The following CDC42BPG variants were observed in gnomAD, a reference collection of about 807,000 sequenced individuals.
CDC42BPG encodes serine/threonine-protein kinase MRCK gamma.
Under a neutral mutation model 192.2 loss-of-function variants are expected in CDC42BPG, and 157 were observed. That is an observed-to-expected ratio of 0.82 (90% CI 0.72 to 0.93). The LOEUF (loss-of-function observed/expected upper bound fraction) is 0.93. CDC42BPG is among the 40% of genes least tolerant of loss of function. CDC42BPG has a pLI of 0.00. For synonymous variants in CDC42BPG, 981 were observed against 918.5 expected (o/e 1.07, Z -1.23); for missense variants, 1,992 against 2,122.1 (o/e 0.94, Z 1.20).
In CDC42BPG at chr11:64,836,721, G is replaced by GGGGGGGGGGA; in HGVS notation, c.1384+17_1384+18insTCCCCCCCCC. The GGGGGGGGGGA allele has an allele frequency of 2.3e-6, 2 of 857,204 alleles. No homozygotes were observed. Among genetic ancestry groups the GGGGGGGGGGA allele is most frequent in the Non-Finnish European group, 3.4e-6 (2 of 595,166 alleles). 53.1% of individuals were successfully genotyped at this position (857,204 alleles called of 1,614,324 possible). On this transcript the variant is annotated intron_variant, in intron 11 of 36. Transcript: ENST00000342711. ...GACTCAGCCCTGGGGGGGGGGGGGG[G>GGGGGGGGGGA]GTGGGCGGAAGGGATACCTGGCAGC...
chr11:64,833,096 G>A (rs1942781708), intron 24 of CDC42BPG, 135 bp downstream of exon 24: 17 of 1,302,408 alleles, frequency 1.3e-5, no homozygotes, highest in South Asian at 2.8e-5. Flanking sequence ...CATCAAGTGA[G>A]AAAAGGAACA....
In CDC42BPG at chr11:64,839,248, G is replaced by A. The variant is rs748781755; in HGVS notation, c.676-15C>T. The A allele has an allele frequency of 2.0e-5, 33 of 1,612,708 alleles. No homozygotes were observed. The highest frequency in any genetic ancestry group is 2.8e-5 in the Non-Finnish European group (33 of 1,179,898). ...GATGAATCCACCTGTGGGTGGTGGT[G>A]GTGAAGCCATGAGGACAGCTTTGGG... On this transcript the variant is annotated splice_polypyrimidine_tract_variant and intron_variant, in intron 6 of 36. Coordinates refer to ENST00000342711, the MANE Select transcript of CDC42BPG (RefSeq NM_017525.3).
chr11:64,836,221 GCTCCTC>G lies in CDC42BPG; in HGVS notation c.1558_1563del (p.Glu520_Glu521del). The G allele has an allele frequency of 6.2e-7, 1 of 1,600,078 alleles. No homozygotes were observed. Among genetic ancestry groups the G allele is most frequent in the Non-Finnish European group, 8.5e-7 (1 of 1,175,496 alleles). On this transcript the variant is annotated inframe_deletion, in exon 13 of 37. Coordinates refer to ENST00000342711, the MANE Select transcript of CDC42BPG (RefSeq NM_017525.3). ...TGGGCCTCCTGTAGCCTCTGAAGCA[GCTCCTC>G]CTGCTGCCCCTGGGCCCTGCAGAGC...
At chr11:64,842,178 G>A (rs1429068658) in intron 1 of CDC42BPG, among the ~76,000 whole-genome samples, 1 of 152,164 alleles carries the variant, frequency 6.6e-6, no homozygotes, top group Non-Finnish European at 1.5e-5. Context: ...CCATCCCAGG[G>A]GCTGATGGGA....
At position 64,832,725 on chromosome 11, in the gene CDC42BPG, C is replaced by T. The variant is rs1287944813; in HGVS notation, c.2884G>A (p.Val962Ile). 2 of 1,609,310 alleles carry T rather than the reference C, an allele frequency of 1.2e-6. No individual in the cohort carries two copies. The highest frequency in any genetic ancestry group is 1.7e-6 in the Non-Finnish European group (2 of 1,177,752). ...GFLSVPRPSG[V>I]RRGWQRVFAA... is the part of the protein sequence containing the mutation. ...AACACGCGCTGCCAGCCCCGCCGGA[C>T]ACCTGAGGGCCGCGGCACCTGGCGG... is the stretch of plus-strand genomic sequence containing the variant. Residue 962 changes from valine (V) to isoleucine (I), a missense_variant, in exon 26 of 37, where the codon GTC becomes ATC. By Grantham distance (29) the Val-to-Ile change is conservative. Coordinates refer to ENST00000342711, the MANE Select transcript of CDC42BPG (RefSeq NM_017525.3).
rs541975007 is a variant in CDC42BPG at position 64,836,331 on chromosome 11, G to C, written c.1489-35C>G. On this transcript the variant is annotated intron_variant, in intron 12 of 36. Transcript: ENST00000342711. ...CAGGGGAGGGAGCGGGGAAGGACAA[G>C]GCCCAGAGTCAGGCACGAACCGTCC... is the stretch of plus-strand genomic sequence containing the variant. 1.1e-5 allele frequency: 18 copies of C among 1,608,328 alleles called. No individual in the cohort carries two copies. In the African/African-American group the frequency reaches 1.9e-4, roughly 17 times the overall value.
Position 64,829,700 on chromosome 11 carries a change from A to G in CDC42BPG, c.3738T>C (p.Phe1246=), listed in dbSNP as rs764834141. 3.7e-6 allele frequency: 6 copies of G among 1,611,252 alleles called. No homozygotes were observed. Among genetic ancestry groups the G allele is most frequent in the Non-Finnish European group, 4.2e-6 (5 of 1,179,334 alleles). ...DRLCVGAAGG[F]ALYPLLNEAA... is the part of the protein sequence containing the mutation. ...CCTCGTTGAGCAGCGGGTAGAGTGC[A>G]AAGCCACCGGCGGCGCCCACACATA... Residue 1246 remains phenylalanine (F), a synonymous_variant, in exon 30 of 37, where the codon TTT becomes TTC. Transcript: ENST00000342711.
Position 64,837,036 on chromosome 11 carries a change from G to A in CDC42BPG, c.1206-17C>T, listed in dbSNP as rs370914591. Reference sequence around the variant, plus strand: ...GGACTGTGACTGTAGGGGGACAGGGGCCATGTTTGTTGGTAGAAACCTCAC... The same window carrying A: ...GGACTGTGACTGTAGGGGGACAGGGACCATGTTTGTTGGTAGAAACCTCAC... On this transcript the variant is annotated splice_polypyrimidine_tract_variant and intron_variant, in intron 9 of 36. Transcript: ENST00000342711. The A allele has an allele frequency of 7.7e-5, 123 of 1,598,244 alleles. No individual in the cohort carries two copies. The highest frequency in any genetic ancestry group is 9.4e-5 in the Non-Finnish European group (110 of 1,166,228).
rs747223606 is a variant in CDC42BPG, at chr11:64,839,524, C to A, written c.629G>T (p.Arg210Leu). ...CAGGCAGGAGCCGAAGTCAGCCAGGCGAATGTGCCCGTTCACATCCAGCAG... is the reference window on the plus strand; with the variant it reads ...CAGGCAGGAGCCGAAGTCAGCCAGGAGAATGTGCCCGTTCACATCCAGCAG... Reference protein sequence around the residue: ...NVLLDVNGHIRLADFGSCLRL... With the variant: ...NVLLDVNGHILLADFGSCLRL... Residue 210 changes from arginine (R) to leucine (L), a missense_variant, in exon 6 of 37, where the codon CGC becomes CTC. Around this residue, in one of 2 missense-constraint regions of CDC42BPG, gnomAD observed 1,656 missense variants for 1,844.3 expected, o/e 0.90. Transcript: ENST00000342711. The A allele has an allele frequency of 6.2e-7, 1 of 1,613,182 alleles. No individual in the cohort carries two copies. Among genetic ancestry groups the A allele is most frequent in the Admixed American group, 1.7e-5 (1 of 60,012 alleles).
chr11:64,835,017 T>TCCCCCCCCCCC, intron 17 of CDC42BPG, 30 bp downstream of exon 17: 3 of 1,571,950 alleles, frequency 1.9e-6, no homozygotes, highest in Non-Finnish European at 2.6e-6. Flanking sequence ...TCGCCTGCGT[T>TCCCCCCCCCCC]CCCCACCCCG....
At chr11:64,833,110 C>T in intron 24 of CDC42BPG, 121 bp downstream of exon 24, 1 of 1,293,488 alleles carries the variant, frequency 7.7e-7, no homozygotes, top group Non-Finnish European at 1.1e-6. Flanking sequence ...AGGAACAAAG[C>T]TGAGCAGGAG....
chr11:64,831,462 C>A, intron 28 of CDC42BPG, 43 bp downstream of exon 28: 1 of 1,545,688 alleles, frequency 6.5e-7, no homozygotes. Flanking sequence ...CCAGCACTCC[C>A]GCAGGCCTGA....
At position 64,826,467 on chromosome 11, in the gene CDC42BPG, C is replaced by T. The variant is rs1942420672; in HGVS notation, c.4599+3G>A. The T allele has an allele frequency of 1.9e-6, 3 of 1,591,116 alleles. No homozygotes were observed. Among genetic ancestry groups the T allele is most frequent in the East Asian group, 4.5e-5 (2 of 44,282 alleles). ...GACGGACAAGCCTCCCGGACCCGCT[C>T]ACCTGCATTAGGGAGGTTGCAGGGC... is the stretch of plus-strand genomic sequence containing the variant. On this transcript the variant is annotated splice_donor_region_variant and intron_variant, in intron 36 of 36. Coordinates refer to ENST00000342711, the MANE Select transcript of CDC42BPG (RefSeq NM_017525.3).
chr11:64,836,713 G>GGT (rs1565690042), intron 11 of CDC42BPG, 26 bp downstream of exon 11: 4 of 856,504 alleles, frequency 4.7e-6, no homozygotes, highest in Non-Finnish European at 6.7e-6. Context: ...CCCTGGGGGG[G>GGT]GGGGGGGGGT....
chr11:64,826,507 G>C lies in CDC42BPG; in HGVS notation c.4562C>G (p.Pro1521Arg). ...GGTTGCAGGGCTCAGCGATCCCTGG[G>C]GGCAGGACACAGACTCGCTGGACAG... Reference protein sequence around the residue: ...TSLSSESVSCPQGSLSPATSL... With the variant: ...TSLSSESVSCRQGSLSPATSL... Residue 1521 changes from proline (P) to arginine (R), a missense_variant, in exon 36 of 37, where the codon CCC becomes CGC. Around this residue, in one of 2 missense-constraint regions of CDC42BPG, gnomAD observed 336 missense variants for 277.9 expected, o/e 1.21. Coordinates refer to ENST00000342711, the MANE Select transcript of CDC42BPG (RefSeq NM_017525.3). 1 of 1,605,464 alleles carries C rather than the reference G, an allele frequency of 6.2e-7. No individual in the cohort carries two copies. Among genetic ancestry groups the C allele is most frequent in the Non-Finnish European group, 8.5e-7 (1 of 1,176,424 alleles).
intron 5 of CDC42BPG, 90 bp downstream of exon 5, chr11:64,840,030 T>C (rs763471153): frequency 3.1e-6 from 4 of 1,301,992 alleles, no homozygotes; most frequent in Non-Finnish European, 4.3e-6. Context: ...ACATGATGAG[T>C]GCTCAGCTGA....
Position 64,830,219 on chromosome 11 carries a change from G to T in CDC42BPG, c.3342C>A (p.Leu1114=), listed in dbSNP as rs1196703018. Residue 1114 remains leucine, a synonymous_variant, in exon 29 of 37, where the codon CTC becomes CTA. Transcript: ENST00000342711. ...DRLALGTEEG[L]FVIHLRSNDI... The stretch of plus-strand genomic sequence containing the variant: ...CGTTGCTGCGCAGATGGATGACAAA[G>T]AGCCCCTCCTCGGTGCCAAGCGCAA... 6.2e-7 allele frequency: 1 copy of T among 1,613,382 alleles called. No homozygotes were observed. Among genetic ancestry groups the T allele is most frequent in the Non-Finnish European group, 8.5e-7 (1 of 1,179,688 alleles).
chr11:64,841,858 A>G lies in CDC42BPG; in HGVS notation c.207T>C (p.Asp69=). 1 of 1,613,944 alleles carries G rather than the reference A, an allele frequency of 6.2e-7. No individual in the cohort carries two copies. Among genetic ancestry groups the G allele is most frequent in the Non-Finnish European group, 8.5e-7 (1 of 1,179,970 alleles). The part of the protein sequence containing the change: ...SKVKELRLQR[D]DFEILKVIGR... ...CGATCACCTTCAAGATCTCAAAGTC[A>G]TCTCTCTGCAGACGCAGTTCTTTCA... The change falls in exon 2 of 37, where the codon GAT becomes GAC. Residue 69 remains aspartate (D), a synonymous_variant. Coordinates refer to ENST00000342711, the MANE Select transcript of CDC42BPG (RefSeq NM_017525.3).
intron 17 of CDC42BPG, 26 bp from the exon 18 acceptor site, chr11:64,834,989 T>G: frequency 6.2e-7 from 1 of 1,613,144 alleles, no homozygotes; most frequent in Non-Finnish European, 8.5e-7. Context: ...CTCAGGGTCA[T>G]GGGCTGGGCC....
Sources: allele counts gnomAD v4.1 joint callset (sites outside exome capture counted in the v4.1 genomes callset), GRCh38; gene constraint gnomAD v4.1.1; regional missense constraint gnomAD v4.1.1; transcripts MANE v1.5; gene names NCBI Gene and HGNC (gene_info 2026-07-23, HGNC 2026-07-21).